The following IKZF3 variants were observed in gnomAD, a reference collection of about 807,000 sequenced individuals.
The protein encoded by IKZF3 is zinc finger protein Aiolos.
A neutral mutation model predicts 49.0 loss-of-function variants in IKZF3; 10 were observed. The ratio of observed to expected loss-of-function variants is 0.20; its 90% CI spans 0.13 to 0.35. The LOEUF (loss-of-function observed/expected upper bound fraction) is 0.35. Among genes scored for constraint, IKZF3 ranks in the 10% least tolerant of loss-of-function variants. The pLI, the probability that IKZF3 is intolerant of heterozygous loss-of-function variation, is 1.00. For synonymous variants in IKZF3, 209 were observed against 228.2 expected, an observed-to-expected ratio of 0.92 and a Z score of 0.76; for missense variants, 498 against 664.8, an observed-to-expected ratio of 0.75 and a Z score of 2.76.
intron 1 of IKZF3, among the ~76,000 whole-genome samples, chr17:39,850,147 T>G (rs1029413709): frequency 1.0e-4 from 13 of 130,200 alleles, no homozygotes; most frequent in Admixed American, 4.9e-4. Flanking sequence ...TAGCATATTA[T>G]ATATGTATAT....
chr17:39,765,717 A>G lies in IKZF3; in HGVS notation c.*73T>C. On this transcript the variant is annotated 3_prime_UTR_variant, in exon 8 of 8. Coordinates refer to ENST00000346872, the MANE Select transcript of IKZF3 (RefSeq NM_012481.5). The stretch of plus-strand genomic sequence containing the variant: ...TTGGAACTGAGTATGTTTTGAGAGC[A>G]ATCTGTTAGGCGAGGTCATTGGTTT... 1 of 1,153,826 alleles carries G rather than the reference A, an allele frequency of 8.7e-7. No homozygotes were observed. 71.5% of individuals were successfully genotyped at this position (1,153,826 alleles called of 1,614,324 possible).
chr17:39,850,769 A>ATATAGGCTATAT (rs1212338300), intron 1 of IKZF3, among the ~76,000 whole-genome samples: 1 of 83,042 alleles, frequency 1.2e-5, no homozygotes, highest in Non-Finnish European at 2.4e-5. Flanking sequence ...TATTATATAT[A>ATATAGGCTATAT]ATATATAGTA....
intron 7 of IKZF3, among the ~76,000 whole-genome samples, chr17:39,777,227 T>C (rs1218524926): frequency 1.3e-5 from 2 of 152,238 alleles, no homozygotes; most frequent in Admixed American, 6.5e-5. Context: ...CAAGAAAATA[T>C]GGCAATATGT....
chr17:39,856,076 T>C lies in IKZF3; in HGVS notation c.7+8044A>G, dbSNP rs866760561. Among the ~76,000 whole-genome samples the C allele has an allele frequency of 2.0e-5, 3 of 149,970 alleles. No individual in the cohort carries two copies. The South Asian group carries it at 6.3e-4, about 32-fold the overall frequency. On this transcript the variant is annotated intron_variant, in intron 1 of 7. Coordinates refer to ENST00000346872, the MANE Select transcript of IKZF3 (RefSeq NM_012481.5). ...TATGTACAATATAACATGTATATTG[T>C]ATATGTACAATATAACATGTATATT...
At chr17:39,792,204 T>C (rs2061041832) in intron 4 of IKZF3, among the ~76,000 whole-genome samples, 1 of 152,218 alleles carries the variant, frequency 6.6e-6, no homozygotes, top group East Asian at 1.9e-4. Flanking sequence ...TCAAGTGCGA[T>C]GGTTGTGTTT....
chr17:39,820,152 G>T (rs1302958313), intron 3 of IKZF3, among the ~76,000 whole-genome samples: 1 of 152,234 alleles, frequency 6.6e-6, no homozygotes, highest in Admixed American at 6.5e-5. Context: ...AAGGCTGGAA[G>T]GAGAGTAGAC....
In IKZF3 at chr17:39,763,657, C is replaced by G. The variant is rs530734610; in HGVS notation, c.*2133G>C. The G allele has an allele frequency of 1.3e-5, 2 of 152,252 alleles. No homozygotes were observed. The highest frequency in any genetic ancestry group is 4.1e-4 in the South Asian group (2 of 4,828). 9.4% of individuals were successfully genotyped at this position (152,252 alleles called of 1,614,324 possible). ...AAAAACTTAACACACCATTTTCATA[C>G]CAAAGGAATGTGAAACATGTATTCA... On this transcript the variant is annotated 3_prime_UTR_variant, in exon 8 of 8. Coordinates refer to ENST00000346872, the MANE Select transcript of IKZF3 (RefSeq NM_012481.5).
At chr17:39,770,250 G>A (rs896609375) in intron 7 of IKZF3, among the ~76,000 whole-genome samples, 3 of 152,148 alleles carry the variant, frequency 2.0e-5, no homozygotes, top group Admixed American at 1.3e-4. Flanking sequence ...AAACCTGCAC[G>A]GAGCATCTGG....
intron 1 of IKZF3, among the ~76,000 whole-genome samples, chr17:39,853,724 A>G (rs2062950594): frequency 6.6e-6 from 1 of 151,614 alleles, no homozygotes; most frequent in Non-Finnish European, 1.5e-5. Flanking sequence ...AACCCCAGCT[A>G]CTCGGGAGGC....
At chr17:39,850,682 A>AT (rs373833668) in intron 1 of IKZF3, among the ~76,000 whole-genome samples, 1 of 124,206 alleles carries the variant, frequency 8.1e-6, no homozygotes, top group Non-Finnish European at 1.6e-5. Context: ...ATGTATATAT[A>AT]CACATATTAT....
intron 1 of IKZF3, chr17:39,839,325 C>A (rs890115737): frequency 1.4e-5 from 7 of 515,326 alleles, no homozygotes; most frequent in South Asian, 1.3e-4. Context: ...ATGATTGTGA[C>A]CTTGAGACAG....
intron 1 of IKZF3, among the ~76,000 whole-genome samples, chr17:39,856,498 T>C (rs2063062494): frequency 1.3e-5 from 2 of 152,050 alleles, no homozygotes; most frequent in Admixed American, 6.6e-5. Flanking sequence ...TCACAAACTG[T>C]TAATAATATT....
intron 3 of IKZF3, among the ~76,000 whole-genome samples, chr17:39,829,112 A>G (rs1174597314): frequency 6.6e-6 from 1 of 152,228 alleles, no homozygotes; most frequent in African/African-American, 2.4e-5. Flanking sequence ...AACTTTCTAC[A>G]ATAAACATGT....
intron 3 of IKZF3, among the ~76,000 whole-genome samples, chr17:39,800,589 A>T (rs1282301138): frequency 1.3e-5 from 2 of 152,180 alleles, no homozygotes; most frequent in East Asian, 3.8e-4. Flanking sequence ...GAGCTACTCT[A>T]GGGTACAATT....
intron 3 of IKZF3, among the ~76,000 whole-genome samples, chr17:39,827,673 C>A (rs1427428017): frequency 1.3e-5 from 2 of 152,088 alleles, no homozygotes; most frequent in Non-Finnish European, 2.9e-5. Flanking sequence ...TGGTTGTATA[C>A]ACAAATGGTC....
chr17:39,857,573 G>A (rs140323273), intron 1 of IKZF3, among the ~76,000 whole-genome samples: 121 of 152,256 alleles, frequency 7.9e-4, no homozygotes, highest in African/African-American at 2.8e-3. Flanking sequence ...AAAAATGGCC[G>A]TATTCACGCA....
intron 7 of IKZF3, among the ~76,000 whole-genome samples, chr17:39,767,861 G>A (rs137962426): frequency 0.02 from 3,042 of 152,100 alleles, 113 homozygotes; most frequent in African/African-American, 0.07. Flanking sequence ...CCAGGAGTTC[G>A]AGACCAGCCC....
intron 3 of IKZF3, among the ~76,000 whole-genome samples, chr17:39,815,026 A>G (rs191538994): frequency 1.3e-5 from 2 of 152,286 alleles, no homozygotes; most frequent in East Asian, 3.9e-4. Flanking sequence ...GAGATAGTGG[A>G]TGATGGGGGC....
intron 7 of IKZF3, among the ~76,000 whole-genome samples, chr17:39,767,375 C>T (rs1046494543): frequency 3.9e-5 from 6 of 152,094 alleles, no homozygotes; most frequent in African/African-American, 1.4e-4. Flanking sequence ...AAAACAGAGG[C>T]TCTCTGGTCA....
Sources: gnomAD v4.1 joint callset for allele counts (sites outside exome capture counted in the v4.1 genomes callset) on GRCh38, gnomAD v4.1.1 for gene constraint, MANE v1.5 for transcripts, NCBI Gene and HGNC (gene_info 2026-07-23, HGNC 2026-07-21) for gene names.